LARGE1: variants seen among roughly 807,000 people sequenced by gnomAD.
The protein encoded by LARGE1 is LARGE xylosyl- and glucuronyltransferase 1.
LARGE1 carries 43 observed loss-of-function variants against 87.6 expected under a neutral mutation model. That is an observed-to-expected ratio of 0.49 (90% CI 0.38 to 0.63). The LOEUF is 0.63. Ranked by LOEUF, LARGE1 falls within the 30% of genes least tolerant of loss-of-function variation. The pLI, the probability that LARGE1 is intolerant of heterozygous loss-of-function variation, is 0.00. For synonymous variants in LARGE1, 434 were observed against 394.6 expected, an observed-to-expected ratio of 1.10 and a Z score of -1.18; for missense variants, 802 against 1,000.2, an observed-to-expected ratio of 0.80 and a Z score of 2.67.
intron 1 of LARGE1, among the ~76,000 whole-genome samples, chr22:33,864,056 C>T (rs965419569): frequency 6.6e-6 from 1 of 152,194 alleles, no homozygotes; most frequent in Non-Finnish European, 1.5e-5. Context: ...GGGTGCAGCT[C>T]CCCTTTCTTC....
chr22:33,420,372 T>C (rs962623162), intron 7 of LARGE1, among the ~76,000 whole-genome samples: 13 of 152,116 alleles, frequency 8.5e-5, no homozygotes, highest in Admixed American at 5.9e-4. Flanking sequence ...GAGGAACTTA[T>C]ATCCTCATGG....
the LARGE1 span, among the ~76,000 whole-genome samples, chr22:33,127,905 C>T: frequency 2.6e-5 from 4 of 152,168 alleles, no homozygotes; most frequent in Non-Finnish European, 5.9e-5. Flanking sequence ...TTTCTTGGCA[C>T]TGTAAGTTAA....
At chr22:33,356,340 T>G (rs1940887439) in intron 9 of LARGE1, among the ~76,000 whole-genome samples, 1 of 152,238 alleles carries the variant, frequency 6.6e-6, no homozygotes, top group East Asian at 1.9e-4. Context: ...AGGTCCCGTC[T>G]GCTTAGCCTG....
intron 12 of LARGE1, among the ~76,000 whole-genome samples, chr22:33,303,413 A>C (rs1369793526): frequency 1.3e-5 from 2 of 152,096 alleles, no homozygotes; most frequent in African/African-American, 2.4e-5. Flanking sequence ...GAAGGTGATA[A>C]TACTACCCAC....
intron 1 of LARGE1, among the ~76,000 whole-genome samples, chr22:33,917,083 G>A (rs932358434): frequency 1.3e-5 from 2 of 152,208 alleles, no homozygotes; most frequent in Non-Finnish European, 2.9e-5. Context: ...GAGTTCAAGG[G>A]AAAAGTAATA....
intron 1 of LARGE1, among the ~76,000 whole-genome samples, chr22:33,859,933 C>T (rs2063864343): frequency 6.6e-6 from 1 of 152,104 alleles, no homozygotes. Flanking sequence ...GACTCAAACC[C>T]ATAGAGAATG....
chr22:33,746,952 G>C lies in LARGE1; in HGVS notation c.106+14419C>G, dbSNP rs117473022. Reference sequence around the variant, plus strand: ...ACTTGTTCAAAATACAGACACCTGGGCACCTCCCCTGAGGAACCCCATTTA... The same window carrying C: ...ACTTGTTCAAAATACAGACACCTGGCCACCTCCCCTGAGGAACCCCATTTA... On this transcript the variant is annotated intron_variant, in intron 2 of 14. Coordinates refer to ENST00000397394, the MANE Select transcript of LARGE1 (RefSeq NM_133642.5). 3.0e-3 allele frequency among the ~76,000 whole-genome samples: 464 copies of C among 152,222 alleles called. 2 individuals are homozygous for C. Among genetic ancestry groups the C allele is most frequent in the Non-Finnish European group, 5.3e-3 (361 of 68,010 alleles).
chr22:33,761,275 C>T, intron 2 of LARGE1, 96 bp downstream of exon 2: 1 of 961,696 alleles, frequency 1.0e-6, no homozygotes, highest in South Asian at 1.3e-5. Context: ...AATACATATT[C>T]CTATTAGATG....
chr22:33,878,800 A>G (rs1433613060), intron 1 of LARGE1, among the ~76,000 whole-genome samples: 1 of 152,178 alleles, frequency 6.6e-6, no homozygotes, highest in African/African-American at 2.4e-5. Context: ...ATTACTTGTC[A>G]CTGGGATCAC....
chr22:33,408,394 G>A (rs934826623), intron 7 of LARGE1, among the ~76,000 whole-genome samples: 5 of 152,224 alleles, frequency 3.3e-5, no homozygotes, highest in Non-Finnish European at 1.5e-5. Context: ...CGAGGTTGGA[G>A]AGGCAGATGT....
rs2081537552 is a variant in LARGE1 at position 33,675,290 on chromosome 22, AT to A, written c.107-24623del. ...GCCTGGGCAACAAGAGCGAAACTCC[AT>A]CAAAAAAAAAAAAAAAAAAAAAAAA... is the stretch of plus-strand genomic sequence containing the variant. On this transcript the variant is annotated intron_variant, in intron 2 of 14. Coordinates refer to ENST00000397394, the MANE Select transcript of LARGE1 (RefSeq NM_133642.5). Among the ~76,000 whole-genome samples, 4 of 121,226 alleles carry A rather than the reference AT, an allele frequency of 3.3e-5. No homozygotes were observed. The South Asian group carries it at 1.2e-3, about 36-fold the overall frequency. 79.5% of individuals were successfully genotyped at this position (121,226 alleles called of 152,430 possible). A position where few individuals can be genotyped will look rare whatever the true frequency, so the allele number is the denominator to read the frequency against.
At chr22:33,325,837 C>T (rs959687819) in intron 10 of LARGE1, among the ~76,000 whole-genome samples, 56 of 152,304 alleles carry the variant, frequency 3.7e-4, no homozygotes, top group African/African-American at 1.2e-3. Context: ...TCCACTATTT[C>T]ATTTTTACTC....
Position 33,651,078 on chromosome 22 carries a change from C to T in LARGE1, c.107-410G>A, listed in dbSNP as rs240334. Among the ~76,000 whole-genome samples, 613 of 151,180 alleles carry T rather than the reference C, an allele frequency of 4.1e-3. 4 individuals are homozygous for T. Among genetic ancestry groups the T allele is most frequent in the Middle Eastern group, 0.014 (4 of 294 alleles). On this transcript the variant is annotated intron_variant, in intron 2 of 14. Transcript: ENST00000397394. ...GTGGAGGGGAGCAAGAGGAAGAGAA[C>T]GAGTAATAAGGAAAAAATAATAGGC...
chr22:33,554,425 A>AAAC (rs907994099), intron 6 of LARGE1, among the ~76,000 whole-genome samples: 18 of 152,216 alleles, frequency 1.2e-4, no homozygotes, highest in East Asian at 9.7e-4. Flanking sequence ...AGTTTATTAA[A>AAAC]AACAACAACA....
In LARGE1 at chr22:33,314,535, T is replaced by C. The variant is rs1002195353; in HGVS notation, c.1451+1550A>G. On this transcript the variant is annotated intron_variant, in intron 11 of 14. Transcript: ENST00000397394. ...TGTCCATTCTTCAGTCATTCATGAC[T>C]AATAACACCTGGTATTTATGGAACA... is the stretch of plus-strand genomic sequence containing the variant. Among the ~76,000 whole-genome samples, 17 of 152,348 alleles carry C rather than the reference T, an allele frequency of 1.1e-4. 1 individual carries two copies. Among genetic ancestry groups the C allele is most frequent in the Admixed American group, 9.8e-4 (15 of 15,298 alleles).
At chr22:33,534,395 C>G (rs1269748344) in intron 6 of LARGE1, among the ~76,000 whole-genome samples, 1 of 150,212 alleles carries the variant, frequency 6.7e-6, no homozygotes, top group Non-Finnish European at 1.5e-5. Context: ...CAGAGCAAGA[C>G]TCTGTCTCAA....
At chr22:33,486,673 TA>T (rs2069591973) in intron 6 of LARGE1, among the ~76,000 whole-genome samples, 1 of 152,186 alleles carries the variant, frequency 6.6e-6, no homozygotes, top group African/African-American at 2.4e-5. Context: ...ATCTAAATCT[TA>T]TTTAAATACC....
intron 11 of LARGE1, among the ~76,000 whole-genome samples, chr22:33,234,348 A>G (rs886166003): frequency 7.2e-5 from 11 of 152,014 alleles, no homozygotes; most frequent in African/African-American, 2.4e-4. Context: ...GAACAATCCT[A>G]CCTGTCATGT....
At chr22:33,292,684 G>A (rs1932769038) in intron 12 of LARGE1, among the ~76,000 whole-genome samples, 1 of 152,158 alleles carries the variant, frequency 6.6e-6, no homozygotes, top group African/African-American at 2.4e-5. Context: ...ATTTCAAGAG[G>A]AGCCAACTGA....
Sources: gnomAD v4.1 joint callset for allele counts (sites outside exome capture counted in the v4.1 genomes callset) on GRCh38, gnomAD v4.1.1 for gene constraint, MANE v1.5 for transcripts, NCBI Gene and HGNC (gene_info 2026-07-23, HGNC 2026-07-21) for gene names.